RPTOR: variants seen among roughly 807,000 people sequenced by gnomAD.
The protein encoded by RPTOR is regulatory associated protein of MTOR complex 1, also known as regulatory-associated protein of mTOR.
Under a neutral mutation model 169.9 loss-of-function variants are expected in RPTOR, and 21 were observed. That is an observed-to-expected ratio of 0.12 (90% CI 0.09 to 0.18). The LOEUF (loss-of-function observed/expected upper bound fraction) is 0.18. Ranked by LOEUF, RPTOR falls within the 10% of genes least tolerant of loss-of-function variation. The probability of loss-of-function intolerance (pLI) is 1.00; values close to 1 mark genes in which losing one functional copy is unlikely to be tolerated. For synonymous variants in RPTOR, 732 were observed against 753.2 expected (o/e 0.97, Z 0.46); for missense variants, 1,133 against 1,855.9 (o/e 0.61, Z 7.16).
rs2143977874 is a variant in RPTOR at position 80,922,773 on chromosome 17, C to T, written c.2570C>T (p.Thr857Met). Residue 857 changes from threonine (T) to methionine (M), a missense_variant, in exon 22 of 34, where the codon ACG (threonine) becomes ATG (methionine). Physicochemically the swap from Thr to Met is moderately conservative, Grantham distance 81. Around this residue, in one of 9 missense-constraint regions of RPTOR, gnomAD observed 123 missense variants for 129.0 expected, o/e 0.95. Coordinates refer to ENST00000306801, the MANE Select transcript of RPTOR (RefSeq NM_020761.3). ...PQRVLDTSSLTQSAPASPTNK... is the reference protein window; with the variant it reads ...PQRVLDTSSLMQSAPASPTNK... ...CGCGTCCTGGACACCTCCTCCCTCA[C>T]GCAGTCGGCCCCCGCCAGCCCCACC... is the stretch of plus-strand genomic sequence containing the variant. 1.3e-6 allele frequency: 2 copies of T among 1,583,060 alleles called. No homozygotes were observed. The highest frequency in any genetic ancestry group is 1.7e-6 in the Non-Finnish European group (2 of 1,169,668).
rs942995112 is a variant in RPTOR, at chr17:80,961,533, C to T, written c.3692+53C>T. 5 of 1,517,174 alleles carry T rather than the reference C, an allele frequency of 3.3e-6. No individual in the cohort carries two copies. The African/African-American group carries it at 4.1e-5, about 13-fold the overall frequency. 94.0% of individuals were successfully genotyped at this position (1,517,174 alleles called of 1,614,324 possible). ...TTCTGCTGTAAAAACATTATTTTCC[C>T]CTCCATTTAAAATACGTCCTTGGTA... On this transcript the variant is annotated intron_variant, in intron 31 of 33. Coordinates refer to ENST00000306801, the MANE Select transcript of RPTOR (RefSeq NM_020761.3).
chr17:80,547,104 TAGTC>T (rs2084286187), intron 1 of RPTOR, among the ~76,000 whole-genome samples: 3 of 152,288 alleles, frequency 2.0e-5, no homozygotes, highest in Non-Finnish European at 2.9e-5. Flanking sequence ...CTGGTAACTC[TAGTC>T]AGTCAGTCAG....
intron 2 of RPTOR, among the ~76,000 whole-genome samples, chr17:80,642,082 T>A (rs774583115): frequency 6.6e-6 from 1 of 152,154 alleles, no homozygotes; most frequent in Admixed American, 6.5e-5. Flanking sequence ...ATAAAAAAAA[T>A]AAAATTTGGA....
intron 24 of RPTOR, among the ~76,000 whole-genome samples, chr17:80,938,379 T>C (rs1439902971): frequency 6.6e-6 from 1 of 152,260 alleles, no homozygotes; most frequent in Non-Finnish European, 1.5e-5. Flanking sequence ...AAGTTCCTTC[T>C]AGACTCTTCC....
chr17:80,667,283 G>A (rs954076391), intron 3 of RPTOR, among the ~76,000 whole-genome samples: 1 of 152,180 alleles, frequency 6.6e-6, no homozygotes, highest in African/African-American at 2.4e-5. Context: ...TAGAGGTGGT[G>A]ACGTCTGAGC....
chr17:80,952,856 T>C (rs1304645549), intron 28 of RPTOR, among the ~76,000 whole-genome samples: 1 of 6,770 alleles, frequency 1.5e-4, no homozygotes, highest in African/African-American at 8.9e-4. Flanking sequence ...TCTTTTCTTC[T>C]TTTTTTTTTT....
chr17:80,657,609 T>C (rs988214940), intron 3 of RPTOR, among the ~76,000 whole-genome samples: 1 of 152,178 alleles, frequency 6.6e-6, no homozygotes, highest in Non-Finnish European at 1.5e-5. Context: ...CAGCTCTTAG[T>C]TTACTGGGTG....
intron 14 of RPTOR, among the ~76,000 whole-genome samples, chr17:80,882,971 A>G (rs956682916): frequency 1.3e-5 from 2 of 152,340 alleles, no homozygotes; most frequent in East Asian, 1.9e-4. Context: ...CAGAATGAAA[A>G]TGAGTCACAG....
At position 80,965,718 on chromosome 17, in the gene RPTOR, T is replaced by G. The variant is rs1351468070; in HGVS notation, c.*1388T>G. ...TCTTCTGGGTGGATGGAACCCTGCC[T>G]GGTCACATTTGGCCAGAGACACACC... On this transcript the variant is annotated 3_prime_UTR_variant, in exon 34 of 34. Transcript: ENST00000306801. The G allele has an allele frequency of 1.3e-5, 3 of 233,188 alleles. No homozygotes were observed. The highest frequency in any genetic ancestry group is 6.6e-5 in the African/African-American group (3 of 45,328). 14.4% of individuals were successfully genotyped at this position (233,188 alleles called of 1,614,324 possible). A position where few individuals can be genotyped will look rare whatever the true frequency, so the allele number is the denominator to read the frequency against.
chr17:80,781,859 G>A (rs576797388), intron 6 of RPTOR, among the ~76,000 whole-genome samples: 262 of 152,322 alleles, frequency 1.7e-3, no homozygotes, highest in Non-Finnish European at 2.6e-3. Flanking sequence ...ATGATTGTGC[G>A]TGGCTTATCT....
chr17:80,846,213 C>T (rs1460874521), intron 10 of RPTOR, among the ~76,000 whole-genome samples: 1 of 152,272 alleles, frequency 6.6e-6, no homozygotes, highest in Admixed American at 6.5e-5. Flanking sequence ...GCGGCCCCAG[C>T]TCGGTGCCCT....
At chr17:80,667,982 A>C (rs2065793524) in intron 3 of RPTOR, among the ~76,000 whole-genome samples, 1 of 152,190 alleles carries the variant, frequency 6.6e-6, no homozygotes, top group Non-Finnish European at 1.5e-5. Context: ...CGACCTTCAG[A>C]TGGGATTCTG....
intron 1 of RPTOR, among the ~76,000 whole-genome samples, chr17:80,577,197 A>G (rs2064971927): frequency 1.3e-5 from 2 of 151,840 alleles, no homozygotes; most frequent in African/African-American, 2.4e-5. Flanking sequence ...ATGTCTGGCT[A>G]ATTTTGTATT....
chr17:80,748,513 CGGTG>C (rs2066600040), intron 5 of RPTOR, among the ~76,000 whole-genome samples: 1 of 100,466 alleles, frequency 1.0e-5, no homozygotes, highest in Non-Finnish European at 2.0e-5. Flanking sequence ...GGAGGGACTG[CGGTG>C]TGTGTTTAGA....
At chr17:80,710,870 A>C (rs1256752845) in intron 4 of RPTOR, among the ~76,000 whole-genome samples, 1 of 152,192 alleles carries the variant, frequency 6.6e-6, no homozygotes, top group Admixed American at 6.5e-5. Flanking sequence ...GTGGCCTTAG[A>C]AAATAAGCTG....
intron 1 of RPTOR, among the ~76,000 whole-genome samples, chr17:80,596,036 C>T (rs1356272603): frequency 2.6e-5 from 4 of 152,160 alleles, no homozygotes; most frequent in African/African-American, 4.8e-5. Flanking sequence ...GGAGATGAGC[C>T]GTCCTAGATT....
At chr17:80,930,057 G>T (rs2068857524) in intron 24 of RPTOR, among the ~76,000 whole-genome samples, 1 of 78,630 alleles carries the variant, frequency 1.3e-5, no homozygotes, top group Admixed American at 1.3e-4. Flanking sequence ...GTTCAGTTCA[G>T]CTCATCCTCA....
chr17:80,806,799 A>AT (rs1394351384), intron 7 of RPTOR, among the ~76,000 whole-genome samples: 1 of 151,242 alleles, frequency 6.6e-6, no homozygotes, highest in African/African-American at 2.4e-5. Context: ...TTTTTCTTTG[A>AT]TTTTTTCTTT....
chr17:80,808,760 T>C (rs2067243986), intron 7 of RPTOR, among the ~76,000 whole-genome samples: 1 of 152,212 alleles, frequency 6.6e-6, no homozygotes, highest in Non-Finnish European at 1.5e-5. Flanking sequence ...GAACTTTCTG[T>C]AAACAGAATG....
Sources: allele counts gnomAD v4.1 joint callset (sites outside exome capture counted in the v4.1 genomes callset), GRCh38; gene constraint gnomAD v4.1.1; regional missense constraint gnomAD v4.1.1; transcripts MANE v1.5; gene names NCBI Gene and HGNC (gene_info 2026-07-23, HGNC 2026-07-21).